Variants in HTRA1 observed in about 807,000 individuals in gnomAD.
HTRA1 encodes HtrA serine peptidase 1.
In HTRA1, 26 loss-of-function variants were observed where a neutral mutation model predicts 49.7. That is an observed-to-expected ratio of 0.52 (90% CI 0.38 to 0.73). HTRA1 has a LOEUF of 0.73. Ranked by LOEUF, HTRA1 falls within the 30% of genes least tolerant of loss-of-function variation. HTRA1 has a pLI of 0.00. For synonymous variants in HTRA1, 291 were observed against 286.9 expected (o/e 1.01, Z -0.14); for missense variants, 561 against 667.2 (o/e 0.84, Z 1.75).
rs139108444 is a variant in HTRA1 at position 122,473,876 on chromosome 10, T to G, written c.472+11752T>G. Reference sequence around the variant, plus strand: ...TCTCTTAGCATAATGTTTTCAAGGTTGTCCACATTGTAGCATGGATCATTA... The same window carrying G: ...TCTCTTAGCATAATGTTTTCAAGGTGGTCCACATTGTAGCATGGATCATTA... On this transcript the variant is annotated intron_variant, in intron 1 of 8. Coordinates refer to ENST00000368984, the MANE Select transcript of HTRA1 (RefSeq NM_002775.5). Among the ~76,000 whole-genome samples, 298 of 152,354 alleles carry G rather than the reference T, an allele frequency of 2.0e-3. 1 individual carries two copies. The highest frequency in any genetic ancestry group is 6.9e-3 in the African/African-American group (288 of 41,574).
At chr10:122,509,587 T>C (rs543313349) in intron 6 of HTRA1, among the ~76,000 whole-genome samples, 36 of 152,318 alleles carry the variant, frequency 2.4e-4, no homozygotes, top group African/African-American at 7.7e-4. Flanking sequence ...CAGCAGGCCG[T>C]GGTGAGGGAC....
rs1030451226 is a variant in HTRA1, at chr10:122,464,231, C to T, written c.472+2107C>T. ...CCTGAGTTGCTGGCACCATGCGAGC[C>T]GCCTAATTTATTGCTAGTGAGGCAA... is the stretch of plus-strand genomic sequence containing the variant. On this transcript the variant is annotated intron_variant, in intron 1 of 8. Transcript: ENST00000368984. This position sits in a 1 kb window ranked among gnomAD's most constrained non-coding sequence, Gnocchi z 4.8. Among the ~76,000 whole-genome samples the T allele has an allele frequency of 1.3e-5, 2 of 152,136 alleles. No homozygotes were observed. Among genetic ancestry groups the T allele is most frequent in the Non-Finnish European group, 2.9e-5 (2 of 68,042 alleles).
At chr10:122,476,497 G>A (rs1029486977) in intron 1 of HTRA1, among the ~76,000 whole-genome samples, 8 of 152,174 alleles carry the variant, frequency 5.3e-5, no homozygotes, top group Non-Finnish European at 4.4e-5. Flanking sequence ...CAGAGGGGTG[G>A]AGCCCACATT....
intron 1 of HTRA1, 146 bp downstream of exon 1, chr10:122,462,270 G>T: frequency 1.3e-6 from 1 of 747,518 alleles, no homozygotes; most frequent in Non-Finnish European, 2.2e-6. Flanking sequence ...TGGGCCCCGG[G>T]GTGGCGGATT....
chr10:122,498,639 T>G (rs1040233255), intron 3 of HTRA1, among the ~76,000 whole-genome samples: 4 of 152,086 alleles, frequency 2.6e-5, no homozygotes, highest in African/African-American at 9.7e-5. Context: ...TTCACAGTCC[T>G]CTGTGAAAGA....
At chr10:122,495,776 T>A in intron 3 of HTRA1, among the ~76,000 whole-genome samples, 1 of 152,222 alleles carries the variant, frequency 6.6e-6, no homozygotes, top group Non-Finnish European at 1.5e-5. Context: ...GAATGTCTCC[T>A]GTCCTCTTCA....
chr10:122,507,069 G>A (rs2097503368), intron 4 of HTRA1, among the ~76,000 whole-genome samples, 184 bp downstream of exon 4: 2 of 152,206 alleles, frequency 1.3e-5, no homozygotes, highest in African/African-American at 4.8e-5. Flanking sequence ...GGTGACACCG[G>A]AGCAGGTGGA....
intron 7 of HTRA1, among the ~76,000 whole-genome samples, chr10:122,511,596 G>T (rs1327005838): frequency 6.6e-6 from 1 of 151,950 alleles, no homozygotes; most frequent in African/African-American, 2.4e-5. Flanking sequence ...AGCCGGGCTT[G>T]GTGGCAGGCA....
chr10:122,499,176 T>C (rs1481613162), intron 3 of HTRA1, among the ~76,000 whole-genome samples: 1 of 152,044 alleles, frequency 6.6e-6, no homozygotes, highest in African/African-American at 2.4e-5. Flanking sequence ...TATCCATGTG[T>C]TGGAGGAGTG....
At chr10:122,498,118 A>AT (rs1056882692) in intron 3 of HTRA1, among the ~76,000 whole-genome samples, 117 of 151,974 alleles carry the variant, frequency 7.7e-4, no homozygotes, top group African/African-American at 2.8e-3. Context: ...AAGTCTTTTC[A>AT]TTTTTTTCAT....
chr10:122,470,974 C>T (rs2097485854), intron 1 of HTRA1, among the ~76,000 whole-genome samples: 1 of 152,194 alleles, frequency 6.6e-6, no homozygotes. Flanking sequence ...GGGTTCACTA[C>T]CATCATGTCC....
At chr10:122,496,858 T>A (rs1471305773) in intron 3 of HTRA1, among the ~76,000 whole-genome samples, 2 of 152,198 alleles carry the variant, frequency 1.3e-5, no homozygotes, top group Non-Finnish European at 2.9e-5. Flanking sequence ...CCAGAACAAG[T>A]TTCTGGTTAG....
rs2133454576 is a variant in HTRA1 at position 122,514,069 on chromosome 10, C to T, written c.1275-122C>T. ...ATGGTTTGAATTATTCTAAGTTCGCCACCGTCCAATCCTGTTTGCTCTGGG... is the reference window on the plus strand; with the variant it reads ...ATGGTTTGAATTATTCTAAGTTCGCTACCGTCCAATCCTGTTTGCTCTGGG... On this transcript the variant is annotated intron_variant, in intron 8 of 8. Transcript: ENST00000368984. 8.1e-6 allele frequency: 8 copies of T among 985,888 alleles called. No individual in the cohort carries two copies. In the East Asian group the frequency reaches 1.2e-4, roughly 15 times the overall value. 61.1% of individuals were successfully genotyped at this position (985,888 alleles called of 1,614,324 possible).
In HTRA1 at chr10:122,496,225, G is replaced by GTTTTGT. The variant is rs1287521208; in HGVS notation, c.777+6601_777+6602insTTGTTT. Among the ~76,000 whole-genome samples the GTTTTGT allele has an allele frequency of 3.7e-5, 3 of 80,384 alleles. 1 individual carries two copies. The highest frequency in any genetic ancestry group is 1.5e-4 in the African/African-American group (3 of 19,640). 52.7% of individuals were successfully genotyped at this position (80,384 alleles called of 152,430 possible). A position where few individuals can be genotyped will look rare whatever the true frequency, so the allele number is the denominator to read the frequency against. ...CCCTTTCGTTTGCCAGAGATTGTGG[G>GTTTTGT]TTCTTTTTTTTTTTTTTTTTTTTTT... On this transcript the variant is annotated intron_variant, in intron 3 of 8. Coordinates refer to ENST00000368984, the MANE Select transcript of HTRA1 (RefSeq NM_002775.5).
intron 3 of HTRA1, among the ~76,000 whole-genome samples, chr10:122,495,006 G>C (rs1376965893): frequency 6.6e-6 from 1 of 152,010 alleles, no homozygotes; most frequent in Non-Finnish European, 1.5e-5. Context: ...GAGTGGACTG[G>C]GGTGGTGCTT....
chr10:122,477,467 A>G (rs2097489166), intron 1 of HTRA1, among the ~76,000 whole-genome samples: 1 of 152,116 alleles, frequency 6.6e-6, no homozygotes, highest in South Asian at 2.1e-4. Flanking sequence ...CCGAGGCTGG[A>G]CCTCACTCCT....
chr10:122,511,263 G>A (rs1159746875), intron 7 of HTRA1, among the ~76,000 whole-genome samples: 2 of 152,158 alleles, frequency 1.3e-5, no homozygotes, highest in Admixed American at 1.3e-4. Context: ...CACAACTCAT[G>A]TTGTAGGGTA....
At chr10:122,496,572 T>C (rs965370548) in intron 3 of HTRA1, among the ~76,000 whole-genome samples, 1 of 152,020 alleles carries the variant, frequency 6.6e-6, no homozygotes, top group Non-Finnish European at 1.5e-5. Flanking sequence ...TGATGTAAAG[T>C]AAATATGGCG....
At chr10:122,480,612 G>A (rs1028475421) in intron 1 of HTRA1, among the ~76,000 whole-genome samples, 2 of 152,178 alleles carry the variant, frequency 1.3e-5, no homozygotes, top group Non-Finnish European at 2.9e-5. Flanking sequence ...TGTCCTATAG[G>A]CATAGCTCTG....
Sources: gnomAD v4.1 joint callset for allele counts (sites outside exome capture counted in the v4.1 genomes callset) on GRCh38, gnomAD v4.1.1 for gene constraint, Gnocchi (gnomAD v3.1) non-coding constraint, MANE v1.5 for transcripts, NCBI Gene and HGNC (gene_info 2026-07-23, HGNC 2026-07-21) for gene names.